Variants in SFMBT1 observed in about 807,000 individuals in gnomAD.
The protein encoded by SFMBT1 is Scm like with four mbt domains 1.
SFMBT1 carries 32 observed loss-of-function variants against 108.7 expected under a neutral mutation model. The observed-to-expected ratio is 0.29, with a 90% CI of 0.22 to 0.40. The LOEUF (loss-of-function observed/expected upper bound fraction) is 0.40, where lower values mean the gene tolerates loss of function less well. Among genes scored for constraint, SFMBT1 ranks in the 10% least tolerant of loss-of-function variants. The probability of loss-of-function intolerance (pLI) is 1.00; values close to 1 mark genes in which losing one functional copy is unlikely to be tolerated. For synonymous variants in SFMBT1, 348 were observed against 369.5 expected, an observed-to-expected ratio of 0.94 and a Z score of 0.67; for missense variants, 816 against 1,059.6, an observed-to-expected ratio of 0.77 and a Z score of 3.19.
chr3:53,013,925 G>A (rs181240278), intron 1 of SFMBT1, among the ~76,000 whole-genome samples: 12 of 152,098 alleles, frequency 7.9e-5, no homozygotes, highest in East Asian at 1.9e-4. Flanking sequence ...CACTGCTCCC[G>A]GCCAAGAATC....
chr3:52,957,960 G>C (rs564466716), intron 2 of SFMBT1, among the ~76,000 whole-genome samples: 2 of 152,100 alleles, frequency 1.3e-5, no homozygotes, highest in Admixed American at 6.5e-5. Context: ...ATTGACAAAC[G>C]GGATCTAATT....
At chr3:52,937,817 G>A (rs1008019631) in intron 4 of SFMBT1, among the ~76,000 whole-genome samples, 5 of 151,934 alleles carry the variant, frequency 3.3e-5, no homozygotes, top group Non-Finnish European at 7.4e-5. Context: ...TCCTAACCTC[G>A]TGATCCACCC....
chr3:52,955,697 T>A (rs190769327), intron 2 of SFMBT1, among the ~76,000 whole-genome samples: 112 of 152,240 alleles, frequency 7.4e-4, no homozygotes, highest in Admixed American at 6.5e-5. Flanking sequence ...AGTTCTCAAA[T>A]TGAGGCAGTA....
chr3:52,988,998 T>A (rs1046785806), intron 1 of SFMBT1, among the ~76,000 whole-genome samples: 1 of 152,156 alleles, frequency 6.6e-6, no homozygotes, highest in Non-Finnish European at 1.5e-5. Flanking sequence ...ATGTAAACAT[T>A]CTCTGAAAAC....
rs1406678575 is a variant in SFMBT1, at chr3:53,001,970, CACAT to C, written c.-130-32716_-130-32713del. ...ACACACACACACACACACACACACA[CACAT>C]AAATGAAAGATTACTGCCTGTTTTG... is the stretch of plus-strand genomic sequence containing the variant. On this transcript the variant is annotated intron_variant, in intron 1 of 20. Transcript: ENST00000394752. Among the ~76,000 whole-genome samples, 70 of 140,172 alleles carry C rather than the reference CACAT, an allele frequency of 5.0e-4. 7 individuals carry two copies. The East Asian group carries it at 0.011, about 22-fold the overall frequency. 92.0% of individuals were successfully genotyped at this position (140,172 alleles called of 152,430 possible). A position where few individuals can be genotyped will look rare whatever the true frequency, so the allele number is the denominator to read the frequency against.
At chr3:52,962,977 A>G (rs1704014928) in intron 2 of SFMBT1, among the ~76,000 whole-genome samples, 1 of 98,706 alleles carries the variant, frequency 1.0e-5, no homozygotes, top group Non-Finnish European at 2.4e-5. Context: ...ATCAGGTTGA[A>G]GTTATTTTAT....
intron 3 of SFMBT1, among the ~76,000 whole-genome samples, chr3:52,950,258 ATTTCT>A (rs1703528860): frequency 1.3e-5 from 2 of 152,084 alleles, no homozygotes; most frequent in Non-Finnish European, 2.9e-5. Context: ...AGCATATTAT[ATTTCT>A]TTTAACTGTT....
At chr3:52,987,074 G>A (rs1421281206) in intron 1 of SFMBT1, among the ~76,000 whole-genome samples, 3 of 151,862 alleles carry the variant, frequency 2.0e-5, no homozygotes, top group Admixed American at 6.6e-5. Context: ...CATCAATATC[G>A]TTGTCTTCCA....
intron 3 of SFMBT1, among the ~76,000 whole-genome samples, chr3:52,944,775 C>T (rs1358507316): frequency 6.6e-6 from 1 of 152,094 alleles, no homozygotes; most frequent in Non-Finnish European, 1.5e-5. Context: ...CCCACCTCAG[C>T]CTCCCAAAGT....
chr3:53,044,580 T>C (rs1388152625), intron 1 of SFMBT1, among the ~76,000 whole-genome samples: 2 of 152,178 alleles, frequency 1.3e-5, no homozygotes, highest in African/African-American at 2.4e-5. Flanking sequence ...CTCTCGCCAG[T>C]TGACAAATTA....
intron 10 of SFMBT1, among the ~76,000 whole-genome samples, chr3:52,922,932 A>G (rs1702560510): frequency 6.6e-6 from 1 of 152,214 alleles, no homozygotes; most frequent in Non-Finnish European, 1.5e-5. Context: ...TCTTATGGTG[A>G]TATGATAAGC....
chr3:53,036,068 CAAAG>C (rs1699860768), intron 1 of SFMBT1, among the ~76,000 whole-genome samples: 1 of 152,114 alleles, frequency 6.6e-6, no homozygotes, highest in African/African-American at 2.4e-5. Flanking sequence ...TTTAAATTTC[CAAAG>C]GAAGGAAGTG....
At chr3:52,936,044 T>C (rs1337488665) in intron 4 of SFMBT1, among the ~76,000 whole-genome samples, 1 of 152,100 alleles carries the variant, frequency 6.6e-6, no homozygotes, top group African/African-American at 2.4e-5. Context: ...GTGGTGAGGG[T>C]GAAAGAATAC....
At chr3:52,922,641 A>T (rs1575375435) in intron 10 of SFMBT1, among the ~76,000 whole-genome samples, 1 of 152,318 alleles carries the variant, frequency 6.6e-6, no homozygotes, top group South Asian at 2.1e-4. Context: ...GAGGTAGAGG[A>T]GACAGTCAAA....
chr3:52,934,813 G>A lies in SFMBT1; in HGVS notation c.453C>T (p.Gly151=), dbSNP rs1310064771. 7 of 1,611,634 alleles carry A rather than the reference G, an allele frequency of 4.3e-6. No individual in the cohort carries two copies. The South Asian group carries it at 4.4e-5, about 10-fold the overall frequency. Residue 151 remains glycine, a splice_region_variant and synonymous_variant, in exon 5 of 21, where the codon GGC becomes GGT. Transcript: ENST00000394752. Reference sequence around the variant, plus strand: ...TGATGTGGCATGTAGTAATACTCACGCCCTCTAGCAGCGGAACAGGAGGAC... The same window carrying A: ...TGATGTGGCATGTAGTAATACTCACACCCTCTAGCAGCGGAACAGGAGGAC... ...ACSPPVPLLE[G]LRNGRNPLDL... is the part of the protein sequence containing the mutation.
intron 1 of SFMBT1, among the ~76,000 whole-genome samples, chr3:53,030,511 A>C (rs372524376): frequency 2.6e-5 from 4 of 152,252 alleles, no homozygotes; most frequent in South Asian, 4.1e-4. Flanking sequence ...AAGCAACAGA[A>C]GAAAAAGTAA....
At chr3:53,002,203 A>G (rs1316205316) in intron 1 of SFMBT1, among the ~76,000 whole-genome samples, 1 of 149,358 alleles carries the variant, frequency 6.7e-6, no homozygotes, top group African/African-American at 2.4e-5. Flanking sequence ...GATCGAGACC[A>G]TCCTGGCTAA....
chr3:53,035,141 T>C (rs1434350359), intron 1 of SFMBT1, among the ~76,000 whole-genome samples: 1 of 152,168 alleles, frequency 6.6e-6, no homozygotes, highest in South Asian at 2.1e-4. Flanking sequence ...ACAAATGGAC[T>C]GGGCCTGAGT....
chr3:52,964,451 C>G (rs1025852950), intron 2 of SFMBT1, among the ~76,000 whole-genome samples: 1 of 152,210 alleles, frequency 6.6e-6, no homozygotes, highest in Admixed American at 6.5e-5. Context: ...GAGTTTGAGG[C>G]TGCAGTGAGC....
Sources: allele counts gnomAD v4.1 joint callset (sites outside exome capture counted in the v4.1 genomes callset), GRCh38; gene constraint gnomAD v4.1.1; transcripts MANE v1.5; gene names NCBI Gene and HGNC (gene_info 2026-07-23, HGNC 2026-07-21).